The following LRP3 variants were observed in gnomAD, a reference collection of about 807,000 sequenced individuals.
LRP3 encodes the protein low-density lipoprotein receptor-related protein 3.
A neutral mutation model predicts 58.5 loss-of-function variants in LRP3; 49 were observed. The ratio of observed to expected loss-of-function variants is 0.84; its 90% CI spans 0.67 to 1.06. LRP3 has a LOEUF of 1.06. LRP3 is among the 50% of genes least tolerant of loss of function. The pLI, the probability that LRP3 is intolerant of heterozygous loss-of-function variation, is 0.00. For synonymous variants in LRP3, 485 were observed against 492.2 expected, an observed-to-expected ratio of 0.99 and a Z score of 0.20; for missense variants, 1,019 against 1,134.2, an observed-to-expected ratio of 0.90 and a Z score of 1.46.
rs139135929 is a variant in LRP3 at position 33,197,791 on chromosome 19, C to T, written c.121+1014C>T. Among the ~76,000 whole-genome samples, 700 of 152,314 alleles carry T rather than the reference C, an allele frequency of 4.6e-3. 6 individuals carry two copies. The highest frequency in any genetic ancestry group is 0.015 in the African/African-American group (607 of 41,566). ...GGAGAAAGGACCCGGAGCTGTCAGG[C>T]AGCGGGACCCCTGCTGTGGTCAAAG... is the stretch of plus-strand genomic sequence containing the variant. On this transcript the variant is annotated intron_variant, in intron 2 of 6. Transcript: ENST00000253193.
Position 33,205,991 on chromosome 19 carries a change from C to T in LRP3, c.1221C>T (p.Gly407=), listed in dbSNP as rs11084712. The part of the protein sequence containing the change: ...RCDGWWHCAS[G]RDEQGCPACP... ...ATGGCTGGTGGCATTGTGCCAGCGG[C>T]CGAGACGAGCAGGGCTGCCCTGCCT... Residue 407 remains glycine (G), a synonymous_variant, in exon 5 of 7, where the codon GGC becomes GGT. Coordinates refer to ENST00000253193, the MANE Select transcript of LRP3 (RefSeq NM_002333.4). 0.21 allele frequency: 328,388 copies of T among 1,572,110 alleles called. 36,773 individuals carry two copies. The highest frequency in any genetic ancestry group is 0.36 in the South Asian group (31,704 of 87,416).
intron 2 of LRP3, among the ~76,000 whole-genome samples, chr19:33,198,048 G>A (rs1974303644): frequency 6.6e-6 from 1 of 152,126 alleles, no homozygotes. Flanking sequence ...TCCAGGAAAA[G>A]GCTGACTGGC....
chr19:33,202,170 A>G (rs1599934367), intron 2 of LRP3, among the ~76,000 whole-genome samples: 1 of 152,216 alleles, frequency 6.6e-6, no homozygotes, highest in East Asian at 1.9e-4. Context: ...TACTCAGGAT[A>G]AAACTCAAAT....
intron 4 of LRP3, 63 bp downstream of exon 4, chr19:33,204,915 C>A: frequency 6.7e-7 from 1 of 1,502,596 alleles, no homozygotes; most frequent in South Asian, 1.2e-5. Context: ...CACAGGCTCC[C>A]GGCCCACAGG....
chr19:33,207,749 C>T lies in LRP3; in HGVS notation c.*174C>T, dbSNP rs1334109558. 10 of 593,988 alleles carry T rather than the reference C, an allele frequency of 1.7e-5. No homozygotes were observed. The highest frequency in any genetic ancestry group is 8.5e-5 in the East Asian group (3 of 35,198). The allele number at this position is 593,988 out of a possible 1,614,324, so 36.8% of individuals were successfully genotyped here. ...GGTGGGCGGGAGCTGTGGGACTGAACGGCGGGGGGGAGAAGAGTGGAGTGG... is the reference window on the plus strand; with the variant it reads ...GGTGGGCGGGAGCTGTGGGACTGAATGGCGGGGGGGAGAAGAGTGGAGTGG... On this transcript the variant is annotated 3_prime_UTR_variant, in exon 7 of 7. Coordinates refer to ENST00000253193, the MANE Select transcript of LRP3 (RefSeq NM_002333.4).
At position 33,202,931 on chromosome 19, in the gene LRP3, G is replaced by A; in HGVS notation, c.205G>A (p.Gly69Ser). The A allele has an allele frequency of 1.2e-6, 2 of 1,612,456 alleles. No homozygotes were observed. Among genetic ancestry groups the A allele is most frequent in the Non-Finnish European group, 1.7e-6 (2 of 1,179,442 alleles). Residue 69 changes from glycine to serine, a missense_variant, in exon 3 of 7, where the codon GGC becomes AGC. Transcript: ENST00000253193. Reference protein sequence around the residue: ...SPAWPLNYPPGTNCSWYIQGD... With the variant: ...SPAWPLNYPPSTNCSWYIQGD... ...GGCCTGGCCCCTCAACTACCCGCCA[G>A]GCACCAACTGCAGCTGGTACATCCA...
At chr19:33,194,952 G>A (rs1453262701) in intron 1 of LRP3, 94 bp downstream of exon 1, 4 of 590,404 alleles carry the variant, frequency 6.8e-6, no homozygotes, top group Non-Finnish European at 8.9e-6. Context: ...GCGGCATCCC[G>A]AGCCCCCCAC....
At chr19:33,195,100 C>G (rs1473421317) in intron 1 of LRP3, among the ~76,000 whole-genome samples, 2 of 151,858 alleles carry the variant, frequency 1.3e-5, no homozygotes, top group Non-Finnish European at 2.9e-5. Context: ...CCGGGCTGAG[C>G]GCTGGCAGGA....
rs529123643 is a variant in LRP3, at chr19:33,208,591, CAT to C, written c.*1017_*1018del. On this transcript the variant is annotated 3_prime_UTR_variant, in exon 7 of 7. Transcript: ENST00000253193. This position sits in a 1 kb window ranked among gnomAD's most constrained non-coding sequence, Gnocchi z 4.7. Reference sequence around the variant, plus strand: ...GCCACGGCATCTTCCTGGCCAGCAACATGTGTGCACCCACCGAGGTACGCCCC... The same window carrying C: ...GCCACGGCATCTTCCTGGCCAGCAACGTGTGCACCCACCGAGGTACGCCCC... 386 of 456,490 alleles carry C rather than the reference CAT, an allele frequency of 8.5e-4. 2 individuals are homozygous for C. Among genetic ancestry groups the C allele is most frequent in the South Asian group, 2.5e-3 (112 of 45,712 alleles). The allele number at this position is 456,490 out of a possible 1,614,324, so 28.3% of individuals were successfully genotyped here.
chr19:33,204,366 G>A, intron 3 of LRP3: 1 of 524,396 alleles, frequency 1.9e-6, no homozygotes, highest in Non-Finnish European at 3.4e-6. Flanking sequence ...CTGATGGAGG[G>A]AAGGGGAGCC....
At chr19:33,195,012 C>G (rs917990038) in intron 1 of LRP3, among the ~76,000 whole-genome samples, 154 bp downstream of exon 1, 2 of 151,944 alleles carry the variant, frequency 1.3e-5, no homozygotes, top group Non-Finnish European at 2.9e-5. Flanking sequence ...ACCGCTTGCC[C>G]GCCTGGCCCC....
rs530551076 is a variant in LRP3, at chr19:33,200,531, T to G, written c.122-2317T>G. Reference sequence around the variant, plus strand: ...CAGGTGTGAGCCACTGCACCCGGTCTCTTTTGGATTTCTTCACCCTACACC... The same window carrying G: ...CAGGTGTGAGCCACTGCACCCGGTCGCTTTTGGATTTCTTCACCCTACACC... On this transcript the variant is annotated intron_variant, in intron 2 of 6. Coordinates refer to ENST00000253193, the MANE Select transcript of LRP3 (RefSeq NM_002333.4). 3.3e-5 allele frequency among the ~76,000 whole-genome samples: 5 copies of G among 152,304 alleles called. No homozygotes were observed. The East Asian group carries it at 9.7e-4, about 29-fold the overall frequency.
chr19:33,197,553 G>A (rs1178172765), intron 2 of LRP3, among the ~76,000 whole-genome samples: 1 of 152,218 alleles, frequency 6.6e-6, no homozygotes, highest in Non-Finnish European at 1.5e-5. Context: ...CTTGAGCCCA[G>A]GAGTTTGAGA....
rs1466507992 is a variant in LRP3, at chr19:33,207,119, A to G, written c.1857A>G (p.Arg619=). The G allele has an allele frequency of 2.0e-6, 3 of 1,528,256 alleles. No homozygotes were observed. The highest frequency in any genetic ancestry group is 2.4e-5 in the South Asian group (2 of 82,984). The allele number at this position is 1,528,256 out of a possible 1,614,324, so 94.7% of individuals were successfully genotyped here. ...TCTTTCACCGGCCGCGGGCGCCCCG[A>G]GGCCAGATCCCACTGCTGACCGCAG... ...NRLFHRPRAP[R]GQIPLLTAAR... is the part of the protein sequence containing the mutation. The change falls in exon 7 of 7, where the codon CGA becomes CGG. Residue 619 remains arginine, a synonymous_variant. Transcript: ENST00000253193.
Position 33,206,199 on chromosome 19 carries a change from C to T in LRP3, c.1429C>T (p.Gln477Ter). Residue 477 changes from glutamine (Q) to a stop codon, truncating the protein, a stop_gained, in exon 5 of 7, where the codon CAG becomes TAG. Transcript: ENST00000253193. LOFTEE classifies it high-confidence loss of function. Reference protein sequence around the residue: ...CIFETWRCDGQEDCQDGSDEH... With the variant: ...CIFETWRCDG ...CTTCGAGACGTGGCGCTGTGACGGC[C>T]AGGAAGACTGCCAGGACGGCAGCGA... 2 of 1,595,164 alleles carry T rather than the reference C, an allele frequency of 1.3e-6. No homozygotes were observed. Among genetic ancestry groups the T allele is most frequent in the Non-Finnish European group, 1.7e-6 (2 of 1,170,596 alleles).
In LRP3 at chr19:33,206,624, G is replaced by T. The variant is rs144933166; in HGVS notation, c.1616G>T (p.Arg539Leu). Reference protein sequence around the residue: ...EYRAFETQMTRLEAEFVRREA... With the variant: ...EYRAFETQMTLLEAEFVRREA... Reference sequence around the variant, plus strand: ...AGGGCCTTCGAGACCCAGATGACGCGCCTGGAGGCTGAGTTCGTGCGGCGG... The same window carrying T: ...AGGGCCTTCGAGACCCAGATGACGCTCCTGGAGGCTGAGTTCGTGCGGCGG... Residue 539 changes from arginine to leucine, a missense_variant, in exon 6 of 7, where the codon CGC becomes CTC. Arg to Leu is a moderately radical substitution (Grantham distance 102). Around this residue, in one of 2 missense-constraint regions of LRP3, gnomAD observed 427 missense variants for 408.6 expected, o/e 1.04. Transcript: ENST00000253193. The T allele has an allele frequency of 5.6e-6, 9 of 1,607,460 alleles. No individual in the cohort carries two copies. The highest frequency in any genetic ancestry group is 7.6e-6 in the Non-Finnish European group (9 of 1,176,648).
chr19:33,195,981 G>A (rs539811492), intron 1 of LRP3, among the ~76,000 whole-genome samples: 2 of 152,006 alleles, frequency 1.3e-5, no homozygotes, highest in South Asian at 4.1e-4. Flanking sequence ...CCTGAACCCC[G>A]GGAAGTTGGG....
chr19:33,205,142 C>A, intron 4 of LRP3, 104 bp from the exon 5 acceptor site: 1 of 1,286,716 alleles, frequency 7.8e-7, no homozygotes. Flanking sequence ...TCTCTGCTGC[C>A]ACAGTGATGG....
rs75279120 is a variant in LRP3 at position 33,201,545 on chromosome 19, G to A, written c.122-1303G>A. 6.1e-3 allele frequency among the ~76,000 whole-genome samples: 923 copies of A among 152,288 alleles called. 10 individuals are homozygous for A. The highest frequency in any genetic ancestry group is 0.02 in the African/African-American group (818 of 41,548). ...GCTCTCCTTCCTTTCCTGCAGCTGG[G>A]TGCCAGAGAGTCTTGCTGAGAACCA... On this transcript the variant is annotated intron_variant, in intron 2 of 6. Transcript: ENST00000253193.
Sources: gnomAD v4.1 joint callset for allele counts (sites outside exome capture counted in the v4.1 genomes callset) on GRCh38, gnomAD v4.1.1 for gene constraint, gnomAD v4.1.1 regional missense constraint, Gnocchi (gnomAD v3.1) non-coding constraint, MANE v1.5 for transcripts, NCBI Gene and HGNC (gene_info 2026-07-23, HGNC 2026-07-21) for gene names.